Variants in OR6C6 observed in about 807,000 individuals in gnomAD.
The protein encoded by OR6C6 is olfactory receptor family 6 subfamily C member 6.
For synonymous variants in OR6C6, 140 were observed against 135.2 expected, an observed-to-expected ratio of 1.04 and a Z score of -0.25; for missense variants, 411 against 366.8, an observed-to-expected ratio of 1.12 and a Z score of -0.98.
rs1954572022 is a variant in OR6C6 at position 55,294,437 on chromosome 12, C to T, written c.796G>A (p.Val266Met). Residue 266 changes from valine to methionine, a missense_variant, in exon 2 of 2, where the codon GTG becomes ATG. Val to Met is a conservative substitution (Grantham distance 21, BLOSUM62 1). Transcript: ENST00000358433. ...MYIKPSAKER[V>M]TVSKGVALLY... is the part of the protein sequence containing the mutation. ...AAAGCTACACCTTTGGATACAGTCA[C>T]TCTTTCTTTTGCAGATGGTTTAATA... 1 of 1,613,524 alleles carries T rather than the reference C, an allele frequency of 6.2e-7. No individual in the cohort carries two copies. The highest frequency in any genetic ancestry group is 1.7e-5 in the Admixed American group (1 of 59,970).
chr12:55,294,483 G>A lies in OR6C6; in HGVS notation c.750C>T (p.Tyr250=), dbSNP rs7308594. The change falls in exon 2 of 2, where the codon TAC becomes TAT. Residue 250 remains tyrosine, a synonymous_variant. Transcript: ENST00000358433. The part of the protein sequence containing the change: ...TSHMIVVSMT[Y]GSCIFMYIKP... ...TAATATACATAAAGATACAGCTACCGTATGTCATGGAGACAACAATCATGT... is the reference window on the plus strand; with the variant it reads ...TAATATACATAAAGATACAGCTACCATATGTCATGGAGACAACAATCATGT... 1,114,062 of 1,612,322 alleles carry A rather than the reference G, an allele frequency of 0.69. 389,140 individuals are homozygous for A. Among genetic ancestry groups the A allele is most frequent in the African/African-American group, 0.9 (67,572 of 74,978 alleles).
In OR6C6 at chr12:55,296,363, G is replaced by T. The variant is rs1868256321; in HGVS notation, c.-70C>A. 6.6e-6 allele frequency: 1 copy of T among 151,936 alleles called. No homozygotes were observed. The highest frequency in any genetic ancestry group is 2.1e-4 in the South Asian group (1 of 4,830). The allele number at this position is 151,936 out of a possible 1,614,324, so 9.4% of individuals were successfully genotyped here. A position where few individuals can be genotyped will look rare whatever the true frequency, so the allele number is the denominator to read the frequency against. ...CATTTCTTTCTGTGTGCACGGAAGA[G>T]ATGCATGCTAACATAATTAGTGACA... On this transcript the variant is annotated 5_prime_UTR_variant, in exon 1 of 2. Transcript: ENST00000358433.
In OR6C6 at chr12:55,294,052, C is replaced by T. The variant is rs1791062473; in HGVS notation, c.*236G>A. The T allele has an allele frequency of 6.2e-6, 2 of 321,112 alleles. No homozygotes were observed. The highest frequency in any genetic ancestry group is 4.3e-5 in the African/African-American group (2 of 46,732). The allele number at this position is 321,112 out of a possible 1,614,324, so 19.9% of individuals were successfully genotyped here. ...CTCCACCTCCCGAGTTCAAGCTATT[C>T]TCTTGCCTCAGACTCCTGAGTAGCT... On this transcript the variant is annotated 3_prime_UTR_variant, in exon 2 of 2. Transcript: ENST00000358433.
intron 1 of OR6C6, among the ~76,000 whole-genome samples, 179 bp downstream of exon 1, chr12:55,296,137 CAGT>C (rs1868255619): frequency 6.6e-6 from 1 of 150,790 alleles, no homozygotes; most frequent in South Asian, 2.1e-4. Flanking sequence ...ATTGATGCAA[CAGT>C]ATATGAATAA....
At position 55,294,847 on chromosome 12, in the gene OR6C6, T is replaced by G; in HGVS notation, c.386A>C (p.His129Pro). The change falls in exon 2 of 2, where the codon CAT (histidine) becomes CCT (proline). Residue 129 changes from histidine (H) to proline (P), a missense_variant. Transcript: ENST00000358433. Reference protein sequence around the residue: ...DRYVAICKPLHYPIIMSSKVC... With the variant: ...DRYVAICKPLPYPIIMSSKVC... ...TTTGCTGCTCATAATGATTGGATAA[T>G]GCAGTGGTTTGCAGATGGCAACGTA... The G allele has an allele frequency of 6.2e-7, 1 of 1,614,094 alleles. No individual in the cohort carries two copies. The highest frequency in any genetic ancestry group is 8.5e-7 in the Non-Finnish European group (1 of 1,180,006).
chr12:55,294,636 G>C lies in OR6C6; in HGVS notation c.597C>G (p.Thr199=), dbSNP rs770802926. The C allele has an allele frequency of 1.2e-6, 2 of 1,613,980 alleles. No individual in the cohort carries two copies. Among genetic ancestry groups the C allele is most frequent in the Non-Finnish European group, 1.7e-6 (2 of 1,179,904 alleles). Residue 199 remains threonine (T), a synonymous_variant, in exon 2 of 2, where the codon ACC becomes ACG. Transcript: ENST00000358433. ...DTHVLELMSF[T]LAVVTLVVTL... ...TGACCACAAGTGTCACCACAGCTAA[G>C]GTAAAAGACATCAATTCTAGGACAT... is the stretch of plus-strand genomic sequence containing the variant.
At chr12:55,295,620 T>C (rs1054047250) in intron 1 of OR6C6, among the ~76,000 whole-genome samples, 1 of 152,116 alleles carries the variant, frequency 6.6e-6, no homozygotes, top group Non-Finnish European at 1.5e-5. Context: ...CAAATTATAC[T>C]ATTAGTTTGT....
Position 55,294,957 on chromosome 12 carries a change from A to G in OR6C6, c.276T>C (p.Tyr92=), listed in dbSNP as rs372388367. The G allele has an allele frequency of 2.5e-6, 4 of 1,613,676 alleles. No individual in the cohort carries two copies. The highest frequency in any genetic ancestry group is 3.4e-6 in the Non-Finnish European group (4 of 1,179,828). ...AAAATAATTGAGTTGCACAATTATT[A>G]TAAGAAATGGTTTTGTCTCTAGTCA... ...TIVTRDKTIS[Y]NNCATQLFFI... is the part of the protein sequence containing the mutation. Residue 92 remains tyrosine, a synonymous_variant, in exon 2 of 2, where the codon TAT becomes TAC. Transcript: ENST00000358433.
chr12:55,294,938 A>G lies in OR6C6; in HGVS notation c.295T>C (p.Leu99=). The G allele has an allele frequency of 1.9e-6, 3 of 1,613,992 alleles. No homozygotes were observed. Among genetic ancestry groups the G allele is most frequent in the Non-Finnish European group, 2.5e-6 (3 of 1,179,980 alleles). ...ACTCCCGGTAAAAGGATAAAAAATA[A>G]TTGAGTTGCACAATTATTATAAGAA... ...TISYNNCATQ[L]FFILLPGVTE... The change falls in exon 2 of 2, where the codon TTA becomes CTA. Residue 99 remains leucine, a synonymous_variant. Coordinates refer to ENST00000358433, the MANE Select transcript of OR6C6 (RefSeq NM_001005493.2).
rs539665121 is a variant in OR6C6, at chr12:55,295,079, G to A, written c.154C>T (p.Arg52Trp). The A allele has an allele frequency of 6.8e-6, 11 of 1,613,880 alleles. No individual in the cohort carries two copies. The highest frequency in any genetic ancestry group is 3.3e-4 in the Middle Eastern group (2 of 6,058). Residue 52 changes from arginine (R) to tryptophan (W), a missense_variant, in exon 2 of 2, where the codon CGG becomes TGG. By Grantham distance (101) the Arg-to-Trp change is moderately radical. Transcript: ENST00000358433. ...IIIILTLLDPRLKTPMYFFLR... is the reference protein window; with the variant it reads ...IIIILTLLDPWLKTPMYFFLR... ...AAGAAATACATTGGCGTCTTGAGCCGGGGATCCAGCAGGGTGAGGATGATG... is the reference window on the plus strand; with the variant it reads ...AAGAAATACATTGGCGTCTTGAGCCAGGGATCCAGCAGGGTGAGGATGATG...
chr12:55,294,967 G>C lies in OR6C6; in HGVS notation c.266C>G (p.Thr89Ser). 6.2e-7 allele frequency: 1 copy of C among 1,613,742 alleles called. No homozygotes were observed. Among genetic ancestry groups the C allele is most frequent in the Middle Eastern group, 1.7e-4 (1 of 6,056 alleles). The change falls in exon 2 of 2, where the codon ACC becomes AGC. Residue 89 changes from threonine (T) to serine (S), a missense_variant. Transcript: ENST00000358433. ...FLITIVTRDK[T>S]ISYNNCATQL... ...AGTTGCACAATTATTATAAGAAATGGTTTTGTCTCTAGTCACAATGGTTAT... is the reference window on the plus strand; with the variant it reads ...AGTTGCACAATTATTATAAGAAATGCTTTTGTCTCTAGTCACAATGGTTAT...
chr12:55,294,379 G>T lies in OR6C6; in HGVS notation c.854C>A (p.Pro285His), dbSNP rs753484177. 1 of 1,613,288 alleles carries T rather than the reference G, an allele frequency of 6.2e-7. No individual in the cohort carries two copies. Among genetic ancestry groups the T allele is most frequent in the Non-Finnish European group, 8.5e-7 (1 of 1,179,308 alleles). ...LYTSIAPLLNPFIYTLRNQQV... is the reference protein window; with the variant it reads ...LYTSIAPLLNHFIYTLRNQQV... ...CTGGTTTCTGAGAGTATAAATGAAG[G>T]GATTTAGTAAAGGGGCAATTGAGGT... Residue 285 changes from proline (P) to histidine (H), a missense_variant, in exon 2 of 2, where the codon CCC becomes CAC. Pro to His is a moderately conservative substitution (Grantham distance 77). Coordinates refer to ENST00000358433, the MANE Select transcript of OR6C6 (RefSeq NM_001005493.2).
intron 1 of OR6C6, 60 bp from the exon 2 acceptor site, chr12:55,295,317 C>T: frequency 3.0e-6 from 2 of 664,512 alleles, no homozygotes; most frequent in Non-Finnish European, 4.8e-6. Flanking sequence ...ATTTCTAAAG[C>T]AGAAAAAATA....
At position 55,294,065 on chromosome 12, in the gene OR6C6, C is replaced by T; in HGVS notation, c.*223G>A. ...GTTCAAGCTATTCTCTTGCCTCAGA[C>T]TCCTGAGTAGCTGGGATTACAGGCA... On this transcript the variant is annotated 3_prime_UTR_variant, in exon 2 of 2. Transcript: ENST00000358433. 2.7e-6 allele frequency: 1 copy of T among 372,688 alleles called. No homozygotes were observed. Among genetic ancestry groups the T allele is most frequent in the South Asian group, 3.5e-5 (1 of 28,742 alleles). 23.1% of individuals were successfully genotyped at this position (372,688 alleles called of 1,614,324 possible).
rs1954568527 is a variant in OR6C6, at chr12:55,294,046, G to C, written c.*242C>G. 1 of 301,434 alleles carries C rather than the reference G, an allele frequency of 3.3e-6. No homozygotes were observed. The highest frequency in any genetic ancestry group is 6.2e-6 in the Non-Finnish European group (1 of 161,198). The allele number at this position is 301,434 out of a possible 1,614,324, so 18.7% of individuals were successfully genotyped here. A position where few individuals can be genotyped will look rare whatever the true frequency, so the allele number is the denominator to read the frequency against. On this transcript the variant is annotated 3_prime_UTR_variant, in exon 2 of 2. Coordinates refer to ENST00000358433, the MANE Select transcript of OR6C6 (RefSeq NM_001005493.2). ...TGCAACCTCCACCTCCCGAGTTCAA[G>C]CTATTCTCTTGCCTCAGACTCCTGA...
chr12:55,294,446 T>C lies in OR6C6; in HGVS notation c.787A>G (p.Lys263Glu), dbSNP rs761611316. 7 of 1,613,840 alleles carry C rather than the reference T, an allele frequency of 4.3e-6. No individual in the cohort carries two copies. The South Asian group carries it at 7.7e-5, about 18-fold the overall frequency. Residue 263 changes from lysine to glutamate, a missense_variant, in exon 2 of 2, where the codon AAA (lysine) becomes GAA (glutamate). Lys to Glu is a moderately conservative substitution (Grantham distance 56). Coordinates refer to ENST00000358433, the MANE Select transcript of OR6C6 (RefSeq NM_001005493.2). Reference sequence around the variant, plus strand: ...CCTTTGGATACAGTCACTCTTTCTTTTGCAGATGGTTTAATATACATAAAG... The same window carrying C: ...CCTTTGGATACAGTCACTCTTTCTTCTGCAGATGGTTTAATATACATAAAG... ...CIFMYIKPSA[K>E]ERVTVSKGVA... is the part of the protein sequence containing the mutation.
At position 55,294,992 on chromosome 12, in the gene OR6C6, T is replaced by A. The variant is rs773008930; in HGVS notation, c.241A>T (p.Ile81Leu). 3 of 1,613,506 alleles carry A rather than the reference T, an allele frequency of 1.9e-6. No homozygotes were observed. Among genetic ancestry groups the A allele is most frequent in the Non-Finnish European group, 2.5e-6 (3 of 1,179,584 alleles). The change falls in exon 2 of 2, where the codon ATA becomes TTA. Residue 81 changes from isoleucine to leucine, a missense_variant. Coordinates refer to ENST00000358433, the MANE Select transcript of OR6C6 (RefSeq NM_001005493.2). ...FTTVCIPRFL[I>L]TIVTRDKTIS... ...GTTTTGTCTCTAGTCACAATGGTTATCAAGAATCTAGGAATACACACTGTT... is the reference window on the plus strand; with the variant it reads ...GTTTTGTCTCTAGTCACAATGGTTAACAAGAATCTAGGAATACACACTGTT...
chr12:55,294,987 G>C lies in OR6C6; in HGVS notation c.246C>G (p.Thr82=), dbSNP rs1192288576. The change falls in exon 2 of 2, where the codon ACC becomes ACG. Residue 82 remains threonine, a synonymous_variant. Coordinates refer to ENST00000358433, the MANE Select transcript of OR6C6 (RefSeq NM_001005493.2). Reference sequence around the variant, plus strand: ...AAATGGTTTTGTCTCTAGTCACAATGGTTATCAAGAATCTAGGAATACACA... The same window carrying C: ...AAATGGTTTTGTCTCTAGTCACAATCGTTATCAAGAATCTAGGAATACACA... The part of the protein sequence containing the change: ...TTVCIPRFLI[T]IVTRDKTISY... 4 of 1,613,286 alleles carry C rather than the reference G, an allele frequency of 2.5e-6. No individual in the cohort carries two copies. Among genetic ancestry groups the C allele is most frequent in the Non-Finnish European group, 2.5e-6 (3 of 1,179,474 alleles).
rs574930098 is a variant in OR6C6 at position 55,295,363 on chromosome 12, T to A, written c.-25-106A>T. The A allele has an allele frequency of 3.9e-5, 21 of 538,944 alleles. No homozygotes were observed. In the South Asian group the frequency reaches 7.5e-4, roughly 19 times the overall value. The allele number at this position is 538,944 out of a possible 1,614,324, so 33.4% of individuals were successfully genotyped here. The stretch of plus-strand genomic sequence containing the variant: ...AATTTATCCATGTGCAAATGGTTTC[T>A]CCAGCCTGAAATTGTAGATGACACA... On this transcript the variant is annotated intron_variant, in intron 1 of 1. Coordinates refer to ENST00000358433, the MANE Select transcript of OR6C6 (RefSeq NM_001005493.2).
Sources: allele counts gnomAD v4.1 joint callset (sites outside exome capture counted in the v4.1 genomes callset), GRCh38; gene constraint gnomAD v4.1.1; transcripts MANE v1.5; gene names NCBI Gene and HGNC (gene_info 2026-07-23, HGNC 2026-07-21).